PLPP1: variants seen among roughly 807,000 people sequenced by gnomAD.
PLPP1 encodes phospholipid phosphatase 1, also known as lipid phosphate phosphohydrolase 1a.
Under a neutral mutation model 31.2 loss-of-function variants are expected in PLPP1, and 24 were observed. The observed-to-expected ratio is 0.77, with a 90% CI of 0.56 to 1.08. The LOEUF (loss-of-function observed/expected upper bound fraction) is 1.08. Ranked by LOEUF, PLPP1 falls within the 50% of genes least tolerant of loss-of-function variation. PLPP1 has a pLI of 0.00. For synonymous variants in PLPP1, 146 were observed against 126.3 expected (o/e 1.16, Z -1.05); for missense variants, 319 against 342.7 (o/e 0.93, Z 0.55).
At chr5:55,531,975 A>G (rs1349904036) in intron 1 of PLPP1, among the ~76,000 whole-genome samples, 1 of 152,222 alleles carries the variant, frequency 6.6e-6, no homozygotes, top group Non-Finnish European at 1.5e-5. Flanking sequence ...AGTAATACCA[A>G]AACATAATGT....
chr5:55,468,854 C>T (rs1184540802), intron 2 of PLPP1, among the ~76,000 whole-genome samples: 1 of 152,034 alleles, frequency 6.6e-6, no homozygotes, highest in Admixed American at 6.6e-5. Flanking sequence ...ATCAGAAACT[C>T]CTGTGTATAA....
chr5:55,429,094 T>G (rs1258093356), intron 4 of PLPP1, among the ~76,000 whole-genome samples: 1 of 152,118 alleles, frequency 6.6e-6, no homozygotes, highest in Non-Finnish European at 1.5e-5. Context: ...TCTCTGGAAT[T>G]TATACCAGAA....
At chr5:55,439,970 A>C (rs775318563) in intron 4 of PLPP1, among the ~76,000 whole-genome samples, 2 of 152,152 alleles carry the variant, frequency 1.3e-5, no homozygotes, top group Non-Finnish European at 2.9e-5. Context: ...TCAATACAGC[A>C]TGGGATCCTG....
At chr5:55,446,481 C>G (rs1342338907) in intron 3 of PLPP1, among the ~76,000 whole-genome samples, 1 of 152,124 alleles carries the variant, frequency 6.6e-6, no homozygotes, top group South Asian at 2.1e-4. Context: ...TAGTCTACAC[C>G]TGGTAATTCT....
intron 1 of PLPP1, among the ~76,000 whole-genome samples, chr5:55,500,518 G>C (rs1008193818): frequency 1.3e-5 from 2 of 152,128 alleles, no homozygotes; most frequent in African/African-American, 4.8e-5. Flanking sequence ...TAGCAGAGAT[G>C]GTACTAATAC....
intron 3 of PLPP1, among the ~76,000 whole-genome samples, chr5:55,458,914 A>AAAAAAAAAAAAAAAAAAAC (rs1387046910): frequency 2.0e-5 from 3 of 148,868 alleles, no homozygotes; most frequent in Non-Finnish European, 4.5e-5. Flanking sequence ...AAAAAAAAAA[A>AAAAAAAAAAAAAAAAAAAC]AACACATAGC....
Position 55,534,576 on chromosome 5 carries a change from C to G in PLPP1, c.54G>C (p.Leu18Phe), listed in dbSNP as rs1343787114. 6.5e-7 allele frequency: 1 copy of G among 1,549,222 alleles called. No homozygotes were observed. The highest frequency in any genetic ancestry group is 1.4e-5 in the African/African-American group (1 of 71,132). The change falls in exon 1 of 6, where the codon TTG becomes TTC. Residue 18 changes from leucine (L) to phenylalanine (F), a missense_variant. Leu to Phe is a conservative substitution (Grantham distance 22, BLOSUM62 0). Transcript: ENST00000307259. ...PYVALDVLCV[L>F]LAGLPFAILT... Reference sequence around the variant, plus strand: ...GACCCGGCGGCGCGTACGTACCCAGCAACACGCAGAGCACATCGAGGGCCA... The same window carrying G: ...GACCCGGCGGCGCGTACGTACCCAGGAACACGCAGAGCACATCGAGGGCCA...
chr5:55,430,752 A>G (rs1751329342), intron 4 of PLPP1, among the ~76,000 whole-genome samples: 1 of 152,222 alleles, frequency 6.6e-6, no homozygotes, highest in African/African-American at 2.4e-5. Flanking sequence ...GAAATGTGTG[A>G]AATCTCAGAA....
At chr5:55,432,774 A>G (rs1263418363) in intron 4 of PLPP1, among the ~76,000 whole-genome samples, 1 of 147,538 alleles carries the variant, frequency 6.8e-6, no homozygotes, top group Non-Finnish European at 1.5e-5. Context: ...AAGTCTTTTA[A>G]TAACATTCAA....
rs553407007 is a variant in PLPP1 at position 55,468,351 on chromosome 5, T to C, written c.211-202A>G. On this transcript the variant is annotated intron_variant, in intron 2 of 5. Coordinates refer to ENST00000307259, the MANE Select transcript of PLPP1 (RefSeq NM_003711.4). ...CACAAAACAGGTGTCATATCAATGGTGGACATTACTTACAAAGCCATGGCT... is the reference window on the plus strand; with the variant it reads ...CACAAAACAGGTGTCATATCAATGGCGGACATTACTTACAAAGCCATGGCT... 4.5e-4 allele frequency: 214 copies of C among 480,280 alleles called. 2 individuals carry two copies. In the South Asian group the frequency reaches 7.0e-3, roughly 16 times the overall value. 29.8% of individuals were successfully genotyped at this position (480,280 alleles called of 1,614,324 possible).
intron 3 of PLPP1, among the ~76,000 whole-genome samples, chr5:55,446,872 C>T (rs1751777582): frequency 6.6e-6 from 1 of 152,182 alleles, no homozygotes; most frequent in African/African-American, 2.4e-5. Flanking sequence ...GTCCTCTTCC[C>T]CGGCCTCAGC....
chr5:55,512,742 A>C lies in PLPP1; in HGVS notation c.58+21830T>G, dbSNP rs772169192. Among the ~76,000 whole-genome samples the C allele has an allele frequency of 8.6e-4, 131 of 152,022 alleles. 1 individual carries two copies. The highest frequency in any genetic ancestry group is 1.6e-3 in the Non-Finnish European group (109 of 67,992). On this transcript the variant is annotated intron_variant, in intron 1 of 5. Coordinates refer to ENST00000307259, the MANE Select transcript of PLPP1 (RefSeq NM_003711.4). ...ATAAACTACACACACACACACACAC[A>C]CCCCTTTGGGGAAAGAAACAAGGTA... is the stretch of plus-strand genomic sequence containing the variant.
Position 55,521,898 on chromosome 5 carries a change from T to C in PLPP1, c.58+12674A>G, listed in dbSNP as rs141747918. ...CATATACTAGGCATTCAATAGATAA[T>C]AGCTTTCTTCTCTACTCATTTACCT... On this transcript the variant is annotated intron_variant, in intron 1 of 5. Coordinates refer to ENST00000307259, the MANE Select transcript of PLPP1 (RefSeq NM_003711.4). Among the ~76,000 whole-genome samples the C allele has an allele frequency of 3.3e-5, 5 of 151,918 alleles. No individual in the cohort carries two copies. The East Asian group carries it at 9.6e-4, about 29-fold the overall frequency.
rs1223017523 is a variant in PLPP1, at chr5:55,517,157, AC to A, written c.58+17414del. On this transcript the variant is annotated intron_variant, in intron 1 of 5. Transcript: ENST00000307259. The stretch of plus-strand genomic sequence containing the variant: ...ACAACTTTAATTTACAAAATATTCA[AC>A]CAAATTATGCTATCTTTCAAATCAA... Among the ~76,000 whole-genome samples, 4 of 152,098 alleles carry A rather than the reference AC, an allele frequency of 2.6e-5. No individual in the cohort carries two copies. In the East Asian group the frequency reaches 7.7e-4, roughly 29 times the overall value.
Position 55,534,734 on chromosome 5 carries a change from C to G in PLPP1, c.-105G>C. The G allele has an allele frequency of 8.3e-7, 1 of 1,208,564 alleles. No individual in the cohort carries two copies. The highest frequency in any genetic ancestry group is 1.1e-6 in the Non-Finnish European group (1 of 885,438). 74.9% of individuals were successfully genotyped at this position (1,208,564 alleles called of 1,614,324 possible). A position where few individuals can be genotyped will look rare whatever the true frequency, so the allele number is the denominator to read the frequency against. On this transcript the variant is annotated 5_prime_UTR_variant, in exon 1 of 6. Transcript: ENST00000307259. ...GGCCGGGGCTGGCGACGGCCCCGAG[C>G]TACGGCCCCTCCCAGCCGGAGGAGG...
intron 1 of PLPP1, among the ~76,000 whole-genome samples, chr5:55,533,007 C>CT (rs1740731328): frequency 6.7e-6 from 1 of 149,084 alleles, no homozygotes; most frequent in Non-Finnish European, 1.5e-5. Flanking sequence ...CTTTCCTAAA[C>CT]TTAATTCCTA....
At chr5:55,534,292 C>G (rs1346998039) in intron 1 of PLPP1, among the ~76,000 whole-genome samples, 1 of 152,164 alleles carries the variant, frequency 6.6e-6, no homozygotes, top group Non-Finnish European at 1.5e-5. Context: ...AGTGGAACTG[C>G]AAACAGAGGA....
At chr5:55,523,146 T>A (rs1753709308) in intron 1 of PLPP1, among the ~76,000 whole-genome samples, 1 of 152,104 alleles carries the variant, frequency 6.6e-6, no homozygotes, top group South Asian at 2.1e-4. Flanking sequence ...ACATGGGATA[T>A]CTTGATAGAG....
At chr5:55,491,153 T>C in intron 1 of PLPP1, 1 of 1,587,266 alleles carries the variant, frequency 6.3e-7, no homozygotes. Context: ...ATGATTAAAT[T>C]CAATTCACTT....
Sources: gnomAD v4.1 joint callset for allele counts (sites outside exome capture counted in the v4.1 genomes callset) on GRCh38, gnomAD v4.1.1 for gene constraint, MANE v1.5 for transcripts, NCBI Gene and HGNC (gene_info 2026-07-23, HGNC 2026-07-21) for gene names.